Variants in LRRC53 observed in about 807,000 individuals in gnomAD.
The protein encoded by LRRC53 is leucine-rich repeat-containing protein 53.
LRRC53 carries 25 observed loss-of-function variants against 13.6 expected under a neutral mutation model. That is an observed-to-expected ratio of 1.83 (90% CI 1.34 to 2.56). The LOEUF (loss-of-function observed/expected upper bound fraction) is 2.56, where lower values mean the gene tolerates loss of function less well. Among genes scored for constraint, LRRC53 ranks in the 30% most tolerant of loss-of-function variants. LRRC53 has a pLI of 0.00. For synonymous variants in LRRC53, 204 were observed against 109.8 expected (o/e 1.86, Z -5.37); for missense variants, 527 against 275.8 (o/e 1.91, Z -6.45).
At chr1:74,512,970 C>T (rs139575201), upstream of LRRC53, among the ~76,000 whole-genome samples, 158 of 152,280 alleles carry the variant, frequency 1.0e-3, no homozygotes, top group East Asian at 7.3e-3. Context: ...AAACTATAGA[C>T]GACTTTTGCC....
At chr1:74,528,054 C>T in the LRRC53 span, among the ~76,000 whole-genome samples, 1 of 152,100 alleles carries the variant, frequency 6.6e-6, no homozygotes, top group Non-Finnish European at 1.5e-5. Context: ...AGATCAGAAT[C>T]GAAGCCCAGG....
chr1:74,501,604 A>G (rs1310478557), intron 1 of LRRC53, among the ~76,000 whole-genome samples: 1 of 152,056 alleles, frequency 6.6e-6, no homozygotes, highest in Non-Finnish European at 1.5e-5. Context: ...CTCCTGCCTC[A>G]GCCTCCCGAG....
the LRRC53 span, among the ~76,000 whole-genome samples, chr1:74,521,042 T>C: frequency 4.6e-5 from 7 of 152,180 alleles, no homozygotes; most frequent in Non-Finnish European, 1.0e-4. Flanking sequence ...TTGCCCTGAC[T>C]GGACAGAGTG....
the LRRC53 span, among the ~76,000 whole-genome samples, chr1:74,518,873 C>T: frequency 6.0e-5 from 6 of 100,350 alleles, no homozygotes; most frequent in African/African-American, 1.6e-4. Flanking sequence ...TTTTTTTTCC[C>T]CTTTTTTTTT....
At chr1:74,536,351 A>G in the LRRC53 span, among the ~76,000 whole-genome samples, 2 of 152,174 alleles carry the variant, frequency 1.3e-5, no homozygotes, top group African/African-American at 2.4e-5. Flanking sequence ...CAGTTTACAT[A>G]TTGTGGATTT....
At position 74,475,272 on chromosome 1, in the gene LRRC53, T is replaced by C. The variant is rs45627331; in HGVS notation, c.1420+23A>G. ...CAAAAAGAATTAAACGGAGTGGGAT[T>C]TTCTAAAACAAGACAAACTCACCTT... On this transcript the variant is annotated intron_variant, in intron 4 of 4. Coordinates refer to ENST00000294635, the MANE Select transcript of LRRC53 (RefSeq NM_001382280.1). 2.6e-3 allele frequency: 1,637 copies of C among 625,682 alleles called. 27 individuals carry two copies. The African/African-American group carries it at 0.028, about 11-fold the overall frequency. The allele number at this position is 625,682 out of a possible 1,614,324, so 38.8% of individuals were successfully genotyped here.
At chr1:74,526,585 A>G in the LRRC53 span, among the ~76,000 whole-genome samples, 1 of 152,232 alleles carries the variant, frequency 6.6e-6, no homozygotes, top group African/African-American at 2.4e-5. Context: ...AGGTGACGTG[A>G]GAATGCAATT....
At chr1:74,513,599 C>T (rs1371644833), upstream of LRRC53, among the ~76,000 whole-genome samples, 7 of 152,168 alleles carry the variant, frequency 4.6e-5, no homozygotes, top group South Asian at 6.2e-4. Flanking sequence ...AGGCAGCTGG[C>T]GCTACTATGT....
Position 74,489,243 on chromosome 1 carries a change from A to G in LRRC53, c.-26-5868T>C, listed in dbSNP as rs1232010219. 1.2e-6 allele frequency: 2 copies of G among 1,611,430 alleles called. No individual in the cohort carries two copies. The highest frequency in any genetic ancestry group is 1.7e-6 in the Non-Finnish European group (2 of 1,178,876). Reference sequence around the variant, plus strand: ...GAAGTTAGAAGAGTGTCTCTGCAACATTGAGGTAAAAGCTTTAGCTTCTGA... The same window carrying G: ...GAAGTTAGAAGAGTGTCTCTGCAACGTTGAGGTAAAAGCTTTAGCTTCTGA... On this transcript the variant is annotated intron_variant, in intron 1 of 4. Transcript: ENST00000294635.
At chr1:74,492,586 C>T (rs1379936860) in intron 1 of LRRC53, among the ~76,000 whole-genome samples, 2 of 152,094 alleles carry the variant, frequency 1.3e-5, no homozygotes. Context: ...TGTGTGGAAA[C>T]CAGGAAACAG....
At chr1:74,516,815 G>A (rs191498914), upstream of LRRC53, among the ~76,000 whole-genome samples, 4 of 152,242 alleles carry the variant, frequency 2.6e-5, no homozygotes, top group Admixed American at 2.0e-4. Flanking sequence ...AGTTAAGGCA[G>A]CTTACTTCTG....
intron 1 of LRRC53, among the ~76,000 whole-genome samples, chr1:74,487,699 T>C (rs553603514): frequency 3.5e-4 from 54 of 152,224 alleles, no homozygotes; most frequent in African/African-American, 1.2e-3. Context: ...GGGAAAAAGA[T>C]AGGCAGATGG....
chr1:74,475,177 T>C, intron 4 of LRRC53, 118 bp downstream of exon 4: 1 of 554,680 alleles, frequency 1.8e-6, no homozygotes, highest in Non-Finnish European at 3.2e-6. Flanking sequence ...AGAAAAGGAA[T>C]AGACTAGTGC....
chr1:74,492,217 G>T, intron 1 of LRRC53: 1 of 1,612,622 alleles, frequency 6.2e-7, no homozygotes, highest in Non-Finnish European at 8.5e-7. Flanking sequence ...AAGTCGTTTC[G>T]AATTGGAATA....
the LRRC53 span, among the ~76,000 whole-genome samples, chr1:74,519,526 G>A: frequency 1.4e-4 from 17 of 125,664 alleles, no homozygotes; most frequent in African/African-American, 2.3e-4. Flanking sequence ...CTATTTCTCC[G>A]CATCCTCTCC....
At chr1:74,489,363 C>T (rs1668929573) in intron 1 of LRRC53, 3 of 1,041,050 alleles carry the variant, frequency 2.9e-6, no homozygotes, top group African/African-American at 3.2e-5. Context: ...CCCATAACTC[C>T]ATCCATATTT....
At chr1:74,500,205 AT>A (rs1171117905) in intron 1 of LRRC53, among the ~76,000 whole-genome samples, 1 of 152,076 alleles carries the variant, frequency 6.6e-6, no homozygotes, top group Non-Finnish European at 1.5e-5. Flanking sequence ...GATTTTATAA[AT>A]TCCATAATGA....
chr1:74,479,521 T>C (rs1325310287), intron 3 of LRRC53, among the ~76,000 whole-genome samples: 1 of 152,190 alleles, frequency 6.6e-6, no homozygotes, highest in Non-Finnish European at 1.5e-5. Flanking sequence ...AGAAGTTAGA[T>C]AATGCATCCA....
chr1:74,491,652 T>C (rs1669084057), intron 1 of LRRC53, among the ~76,000 whole-genome samples: 1 of 152,170 alleles, frequency 6.6e-6, no homozygotes, highest in African/African-American at 2.4e-5. Context: ...TCTTATAAAA[T>C]TGATGTATTC....
Sources: allele counts gnomAD v4.1 joint callset (sites outside exome capture counted in the v4.1 genomes callset), GRCh38; gene constraint gnomAD v4.1.1; transcripts MANE v1.5; gene names NCBI Gene and HGNC (gene_info 2026-07-23, HGNC 2026-07-21).